The following DNAAF4 variants were observed in gnomAD, a reference collection of about 807,000 sequenced individuals.
DNAAF4 encodes dynein axonemal assembly factor 4, also known as dynein assembly factor 4, axonemal.
A neutral mutation model predicts 51.8 loss-of-function variants in DNAAF4; 43 were observed. That is an observed-to-expected ratio of 0.83 (90% CI 0.65 to 1.07). DNAAF4 has a LOEUF of 1.07. DNAAF4 is among the 50% of genes least tolerant of loss of function. DNAAF4 has a pLI of 0.00. For synonymous variants in DNAAF4, 194 were observed against 165.6 expected (o/e 1.17, Z -1.32); for missense variants, 581 against 493.0 (o/e 1.18, Z -1.69).
chr15:55,452,806 T>C (rs1043636268), intron 5 of DNAAF4, among the ~76,000 whole-genome samples: 2 of 152,220 alleles, frequency 1.3e-5, no homozygotes, highest in Non-Finnish European at 2.9e-5. Context: ...GGAAAGATTT[T>C]AGATGCAAAT....
rs997803179 is a variant in DNAAF4 at position 55,498,343 on chromosome 15, G to C, written c.-14C>G. 4.4e-6 allele frequency: 7 copies of C among 1,596,754 alleles called. No homozygotes were observed. Among genetic ancestry groups the C allele is most frequent in the African/African-American group, 2.7e-5 (2 of 74,094 alleles). The stretch of plus-strand genomic sequence containing the variant: ...CTGAAGAGGCATTCCGGTAGCAACG[G>C]GAGCGGATAGCGCGGCTGGTTGCTT... On this transcript the variant is annotated 5_prime_UTR_variant, in exon 2 of 10. Coordinates refer to ENST00000321149, the MANE Select transcript of DNAAF4 (RefSeq NM_130810.4).
intron 5 of DNAAF4, among the ~76,000 whole-genome samples, chr15:55,458,491 A>T (rs1204754548): frequency 2.6e-5 from 4 of 152,182 alleles, no homozygotes; most frequent in African/African-American, 7.2e-5. Flanking sequence ...ACAAAGACAA[A>T]GAAAAAAAGA....
At chr15:55,485,244 C>T (rs142910062) in intron 4 of DNAAF4, among the ~76,000 whole-genome samples, 3 of 152,174 alleles carry the variant, frequency 2.0e-5, no homozygotes, top group African/African-American at 4.8e-5. Context: ...GAAAGTCTGA[C>T]ATACACTGAA....
At chr15:55,449,696 C>CTTTTTTTTTT (rs368060926) in intron 6 of DNAAF4, among the ~76,000 whole-genome samples, 1 of 91,730 alleles carries the variant, frequency 1.1e-5, no homozygotes, top group African/African-American at 4.3e-5. Context: ...AAAAAGACCG[C>CTTTTTTTTTT]TTTTTTTTTT....
At chr15:55,442,915 G>T (rs1469228101) in intron 6 of DNAAF4, 1 of 1,611,638 alleles carries the variant, frequency 6.2e-7, no homozygotes, top group Non-Finnish European at 8.5e-7. Flanking sequence ...CAATCCAGGT[G>T]GTCCTTCTAG....
At chr15:55,447,821 G>A (rs1314727768) in intron 6 of DNAAF4, among the ~76,000 whole-genome samples, 1 of 114,312 alleles carries the variant, frequency 8.7e-6, no homozygotes, top group African/African-American at 3.3e-5. Context: ...AGGGGAGAGG[G>A]GAGAGGGCAG....
intron 6 of DNAAF4, among the ~76,000 whole-genome samples, chr15:55,441,942 A>G (rs2141430220): frequency 6.6e-6 from 1 of 152,286 alleles, no homozygotes; most frequent in Non-Finnish European, 1.5e-5. Context: ...CTAGCTTTCT[A>G]ACTTACTAAC....
intron 6 of DNAAF4, among the ~76,000 whole-genome samples, chr15:55,439,898 C>A (rs553053663): frequency 9.9e-5 from 15 of 152,140 alleles, no homozygotes; most frequent in African/African-American, 2.6e-4. Flanking sequence ...AGTGGGTGTC[C>A]GCAAGTTATG....
intron 6 of DNAAF4, among the ~76,000 whole-genome samples, chr15:55,441,495 T>C (rs189367095): frequency 1.1e-3 from 164 of 152,290 alleles, no homozygotes; most frequent in African/African-American, 3.8e-3. Context: ...ACATGTGCCA[T>C]GTTGGTGTGC....
At chr15:55,475,788 G>T (rs993764327) in intron 4 of DNAAF4, among the ~76,000 whole-genome samples, 6 of 152,192 alleles carry the variant, frequency 3.9e-5, no homozygotes, top group East Asian at 3.8e-4. Flanking sequence ...TCCGGGTAGG[G>T]CAGTGAAAAC....
chr15:55,438,754 C>T (rs1167945864), intron 7 of DNAAF4, among the ~76,000 whole-genome samples: 1 of 149,528 alleles, frequency 6.7e-6, no homozygotes, highest in Non-Finnish European at 1.5e-5. Context: ...CACTACACTC[C>T]AGCCTGGGTG....
chr15:55,445,122 G>A (rs1357652063), intron 6 of DNAAF4, among the ~76,000 whole-genome samples: 2 of 150,092 alleles, frequency 1.3e-5, no homozygotes, highest in Non-Finnish European at 2.9e-5. Flanking sequence ...GATAATAGTG[G>A]AGAGAAGGAC....
chr15:55,476,862 T>C (rs1417415283), intron 4 of DNAAF4, among the ~76,000 whole-genome samples: 1 of 152,110 alleles, frequency 6.6e-6, no homozygotes, highest in Non-Finnish European at 1.5e-5. Flanking sequence ...AGAGTTTTAA[T>C]TGTGCAAGAC....
At chr15:55,443,110 G>A (rs556867171) in intron 6 of DNAAF4, 2 of 1,610,478 alleles carry the variant, frequency 1.2e-6, no homozygotes, top group African/African-American at 2.7e-5. Flanking sequence ...TTCAGTAGGT[G>A]TACGTTTATA....
chr15:55,464,187 A>G (rs558183406), intron 5 of DNAAF4, among the ~76,000 whole-genome samples: 83 of 152,304 alleles, frequency 5.4e-4, no homozygotes, highest in Non-Finnish European at 8.7e-4. Context: ...AAAGCAAACA[A>G]AACCATAAAG....
intron 5 of DNAAF4, among the ~76,000 whole-genome samples, chr15:55,465,389 T>TACACACACACACAC (rs200097648): frequency 1.6e-4 from 20 of 128,538 alleles, no homozygotes; most frequent in Middle Eastern, 7.0e-3. Flanking sequence ...ATATGGTGTA[T>TACACACACACACAC]ATATACACAC....
At chr15:55,434,738 G>C (rs1176602359) in intron 8 of DNAAF4, among the ~76,000 whole-genome samples, 167 bp downstream of exon 8, 2 of 151,292 alleles carry the variant, frequency 1.3e-5, no homozygotes, top group African/African-American at 4.9e-5. Flanking sequence ...CCAGTTCCTT[G>C]TCCATTAGTA....
chr15:55,481,149 C>G (rs1009905383), intron 4 of DNAAF4, among the ~76,000 whole-genome samples: 1 of 152,108 alleles, frequency 6.6e-6, no homozygotes, highest in African/African-American at 2.4e-5. Context: ...TATAAATTAC[C>G]CGATCTTGGG....
chr15:55,430,572 CA>C lies in DNAAF4; in HGVS notation c.*97del, dbSNP rs796426324. 1.9e-5 allele frequency: 27 copies of C among 1,432,490 alleles called. 1 individual carries two copies. In the African/African-American group the frequency reaches 3.3e-4, roughly 18 times the overall value. The allele number at this position is 1,432,490 out of a possible 1,614,324, so 88.7% of individuals were successfully genotyped here. On this transcript the variant is annotated 3_prime_UTR_variant, in exon 10 of 10. Coordinates refer to ENST00000321149, the MANE Select transcript of DNAAF4 (RefSeq NM_130810.4). ...CCCTCAACAGAACTAAAGTACTAAACAGAAAGCGATTCTGTACAACTGGCCA... is the reference window on the plus strand; with the variant it reads ...CCCTCAACAGAACTAAAGTACTAAACGAAAGCGATTCTGTACAACTGGCCA...
Sources: allele counts gnomAD v4.1 joint callset (sites outside exome capture counted in the v4.1 genomes callset), GRCh38; gene constraint gnomAD v4.1.1; transcripts MANE v1.5; gene names NCBI Gene and HGNC (gene_info 2026-07-23, HGNC 2026-07-21).